The following PDE7B variants were observed in gnomAD, a reference collection of about 807,000 sequenced individuals.
PDE7B encodes the protein 3',5'-cyclic-AMP phosphodiesterase 7B.
A neutral mutation model predicts 56.2 loss-of-function variants in PDE7B; 29 were observed. The ratio of observed to expected loss-of-function variants is 0.52; its 90% CI spans 0.38 to 0.70. PDE7B has a LOEUF of 0.70. Among genes scored for constraint, PDE7B ranks in the 30% least tolerant of loss-of-function variants. The pLI is 0.00. For synonymous variants in PDE7B, 197 were observed against 196.9 expected, an observed-to-expected ratio of 1.00 and a Z score of 0.00; for missense variants, 490 against 565.0, an observed-to-expected ratio of 0.87 and a Z score of 1.35.
At chr6:135,915,379 T>A (rs1204131865) in intron 1 of PDE7B, among the ~76,000 whole-genome samples, 1 of 152,236 alleles carries the variant, frequency 6.6e-6, no homozygotes, top group Non-Finnish European at 1.5e-5. Flanking sequence ...TTCAAACTCC[T>A]TGTAAGACTT....
At position 136,191,692 on chromosome 6, in the gene PDE7B, T is replaced by C. The variant is rs1779227475; in HGVS notation, c.1205T>C (p.Met402Thr). 2 of 1,613,682 alleles carry C rather than the reference T, an allele frequency of 1.2e-6. No homozygotes were observed. The highest frequency in any genetic ancestry group is 1.7e-6 in the Non-Finnish European group (2 of 1,179,856). The stretch of plus-strand genomic sequence containing the variant: ...GGTAACAGCACCCTGTCGGAGAACA[T>C]GCTGGGCCACCTCGCACACAACAAG... Reference protein sequence around the residue: ...FTGNSTLSENMLGHLAHNKAQ... With the variant: ...FTGNSTLSENTLGHLAHNKAQ... Residue 402 changes from methionine to threonine, a missense_variant, in exon 13 of 13, where the codon ATG becomes ACG. By Grantham distance (81) the Met-to-Thr change is moderately conservative (BLOSUM62 -1). Coordinates refer to ENST00000308191, the MANE Select transcript of PDE7B (RefSeq NM_018945.4).
At chr6:135,926,155 C>T (rs982647370) in intron 1 of PDE7B, among the ~76,000 whole-genome samples, 3 of 143,308 alleles carry the variant, frequency 2.1e-5, no homozygotes, top group Admixed American at 7.3e-5. Context: ...GGCGCAATCT[C>T]GGCTCACTGC....
Position 136,173,959 on chromosome 6 carries a change from T to C in PDE7B, c.803+71T>C, listed in dbSNP as rs912257738. The C allele has an allele frequency of 3.7e-6, 4 of 1,076,140 alleles. No homozygotes were observed. In the Admixed American group the frequency reaches 5.2e-5, roughly 14 times the overall value. The allele number at this position is 1,076,140 out of a possible 1,614,324, so 66.7% of individuals were successfully genotyped here. ...ATAAGCCACTTTCTCTAGGGCAGGCTTGGGACCTTTTGCGTGAATGGCAGA... is the reference window on the plus strand; with the variant it reads ...ATAAGCCACTTTCTCTAGGGCAGGCCTGGGACCTTTTGCGTGAATGGCAGA... On this transcript the variant is annotated intron_variant, in intron 9 of 12. Coordinates refer to ENST00000308191, the MANE Select transcript of PDE7B (RefSeq NM_018945.4).
chr6:135,903,647 AC>A (rs1299989914), intron 1 of PDE7B, among the ~76,000 whole-genome samples: 1 of 152,240 alleles, frequency 6.6e-6, no homozygotes, highest in African/African-American at 2.4e-5. Context: ...AGGTCCATGA[AC>A]AAATTGGGAC....
intron 3 of PDE7B, among the ~76,000 whole-genome samples, chr6:136,109,431 G>A (rs1777708327): frequency 6.6e-6 from 1 of 152,200 alleles, no homozygotes; most frequent in Admixed American, 6.5e-5. Context: ...TTCAGCCAGA[G>A]CTAGACTAGG....
At chr6:136,169,671 C>T (rs141863693) in intron 8 of PDE7B, among the ~76,000 whole-genome samples, 7 of 152,296 alleles carry the variant, frequency 4.6e-5, no homozygotes, top group East Asian at 1.9e-4. Flanking sequence ...CAAGTGAACA[C>T]GTGAGCGACT....
At chr6:135,937,719 C>A (rs1429026395) in intron 1 of PDE7B, among the ~76,000 whole-genome samples, 2 of 152,154 alleles carry the variant, frequency 1.3e-5, no homozygotes, top group Non-Finnish European at 2.9e-5. Context: ...AGGATAAGGG[C>A]ACATCAGACA....
intron 2 of PDE7B, among the ~76,000 whole-genome samples, chr6:136,018,829 A>G (rs914201176): frequency 6.6e-6 from 1 of 152,022 alleles, no homozygotes; most frequent in Non-Finnish European, 1.5e-5. Context: ...TCAAAAGCCA[A>G]ATCCTTATTT....
At chr6:136,003,059 A>G (rs1395739152) in intron 2 of PDE7B, among the ~76,000 whole-genome samples, 5 of 151,870 alleles carry the variant, frequency 3.3e-5, no homozygotes, top group African/African-American at 4.8e-5. Flanking sequence ...ACTCAAAACC[A>G]CTCAACTACA....
chr6:135,968,594 G>C (rs1775039212), intron 2 of PDE7B, among the ~76,000 whole-genome samples: 1 of 152,112 alleles, frequency 6.6e-6, no homozygotes, highest in South Asian at 2.1e-4. Flanking sequence ...ACCACAATGA[G>C]CTACCATCTC....
chr6:136,033,582 A>C (rs983354518), intron 2 of PDE7B, among the ~76,000 whole-genome samples: 4 of 152,042 alleles, frequency 2.6e-5, no homozygotes, highest in Non-Finnish European at 5.9e-5. Flanking sequence ...CACTCCTCCT[A>C]CTTCGCCCCA....
rs192547330 is a variant in PDE7B at position 135,985,848 on chromosome 6, C to T, written c.82+38324C>T. On this transcript the variant is annotated intron_variant, in intron 2 of 12. Transcript: ENST00000308191. ...CTTTGATAGTCCCAACCAGGGTGGC[C>T]GTATACAGTGCCACTGAGACCTTGA... Among the ~76,000 whole-genome samples the T allele has an allele frequency of 5.4e-3, 828 of 152,250 alleles. 3 individuals carry two copies. The highest frequency in any genetic ancestry group is 8.6e-3 in the Non-Finnish European group (586 of 68,028).
intron 1 of PDE7B, among the ~76,000 whole-genome samples, chr6:135,900,308 T>C (rs1321891224): frequency 6.6e-6 from 1 of 152,162 alleles, no homozygotes; most frequent in Non-Finnish European, 1.5e-5. Flanking sequence ...TGTACTTCTT[T>C]AGGAATACTG....
At chr6:135,886,851 A>G (rs7761858) in intron 1 of PDE7B, among the ~76,000 whole-genome samples, 7,399 of 152,188 alleles carry the variant, frequency 0.049, 262 homozygotes, top group East Asian at 0.11. Flanking sequence ...TCTTTTTTGT[A>G]TAATGACTTC....
chr6:136,040,106 T>A (rs1278986812), intron 2 of PDE7B, among the ~76,000 whole-genome samples: 2 of 152,178 alleles, frequency 1.3e-5, no homozygotes, highest in Non-Finnish European at 2.9e-5. Context: ...TTTCTGGACA[T>A]GATGAAGCAG....
Position 136,079,305 on chromosome 6 carries a change from T to C in PDE7B, c.83-29426T>C, listed in dbSNP as rs145528423. On this transcript the variant is annotated intron_variant, in intron 2 of 12. Coordinates refer to ENST00000308191, the MANE Select transcript of PDE7B (RefSeq NM_018945.4). ...TTCTCCGTTTGAAAAACCGTCACTTTATAGGCTTAATATATCTATTTTACA... is the reference window on the plus strand; with the variant it reads ...TTCTCCGTTTGAAAAACCGTCACTTCATAGGCTTAATATATCTATTTTACA... Among the ~76,000 whole-genome samples the C allele has an allele frequency of 2.0e-4, 31 of 152,342 alleles. No homozygotes were observed. The East Asian group carries it at 4.2e-3, about 21-fold the overall frequency.
intron 2 of PDE7B, among the ~76,000 whole-genome samples, chr6:136,047,142 G>A (rs1400686588): frequency 1.3e-5 from 2 of 152,178 alleles, no homozygotes; most frequent in African/African-American, 4.8e-5. Flanking sequence ...ACATTCCCAT[G>A]TAACTAGAAG....
At chr6:135,855,251 C>T (rs1269265317) in intron 1 of PDE7B, among the ~76,000 whole-genome samples, 1 of 152,142 alleles carries the variant, frequency 6.6e-6, no homozygotes, top group African/African-American at 2.4e-5. Context: ...AAGTGTCAAA[C>T]CTTTATTCCA....
chr6:136,147,367 G>A lies in PDE7B; in HGVS notation c.183G>A (p.Gly61=). 1 of 1,612,186 alleles carries A rather than the reference G, an allele frequency of 6.2e-7. No homozygotes were observed. Among genetic ancestry groups the A allele is most frequent in the Non-Finnish European group, 8.5e-7 (1 of 1,178,538 alleles). ...TTTCCACAGGTACAACATACTCAGG[G>A]GAGATTGGCACCAAGAAAAAGGTGA... ...FRLLNSTTYS[G]EIGTKKKVKR... is the part of the protein sequence containing the mutation. The change falls in exon 4 of 13, where the codon GGG becomes GGA. Residue 61 remains glycine (G), a synonymous_variant. Coordinates refer to ENST00000308191, the MANE Select transcript of PDE7B (RefSeq NM_018945.4).
Sources: gnomAD v4.1 joint callset for allele counts (sites outside exome capture counted in the v4.1 genomes callset) on GRCh38, gnomAD v4.1.1 for gene constraint, MANE v1.5 for transcripts, NCBI Gene and HGNC (gene_info 2026-07-23, HGNC 2026-07-21) for gene names.